Variants in SDCCAG8 observed in about 807,000 individuals in gnomAD.
SDCCAG8 encodes the protein serologically defined colon cancer antigen 8.
In SDCCAG8, 74 loss-of-function variants were observed where a neutral mutation model predicts 101.8. The ratio of observed to expected loss-of-function variants is 0.73; its 90% CI spans 0.60 to 0.88. The LOEUF is 0.88. Ranked by LOEUF, SDCCAG8 falls within the 40% of genes least tolerant of loss-of-function variation. The pLI is 0.00. For missense variants in SDCCAG8, 787 were observed against 822.6 expected (o/e 0.96, Z 0.53); for synonymous variants, 281 against 292.9 (o/e 0.96, Z 0.41).
intron 6 of SDCCAG8, 34 bp downstream of exon 6, chr1:243,293,253 T>A (rs752000188): frequency 6.2e-7 from 1 of 1,602,690 alleles, no homozygotes; most frequent in Admixed American, 1.7e-5. Context: ...TTATACATCT[T>A]TTTTTTCTTT....
chr1:243,396,497 G>A (rs544370797), intron 13 of SDCCAG8, among the ~76,000 whole-genome samples: 1 of 152,198 alleles, frequency 6.6e-6, no homozygotes, highest in Non-Finnish European at 1.5e-5. Flanking sequence ...AATTGAAATG[G>A]TACATATTTG....
intron 16 of SDCCAG8, chr1:243,476,343 T>G (rs1662410808): frequency 1.0e-6 from 1 of 985,356 alleles, no homozygotes; most frequent in Non-Finnish European, 1.2e-6. Flanking sequence ...CATTAAAACC[T>G]AATTAAGATG....
rs942509838 is a variant in SDCCAG8 at position 243,474,296 on chromosome 1, C to G, written c.1986-14718C>G. ...CCCATCTCCTCCTCTCAACCGTCAT[C>G]CCGGTTTAATCCTCTCCTTCTGCCA... On this transcript the variant is annotated intron_variant, in intron 16 of 17. Coordinates refer to ENST00000366541, the MANE Select transcript of SDCCAG8 (RefSeq NM_006642.5). The surrounding 1 kb of genome is among the most constrained non-coding windows in gnomAD (Gnocchi z 4.7). Among the ~76,000 whole-genome samples, 8 of 152,204 alleles carry G rather than the reference C, an allele frequency of 5.3e-5. No individual in the cohort carries two copies. Among genetic ancestry groups the G allele is most frequent in the African/African-American group, 1.9e-4 (8 of 41,470 alleles).
intron 16 of SDCCAG8, among the ~76,000 whole-genome samples, chr1:243,483,857 C>G (rs1664262259): frequency 6.6e-6 from 1 of 152,254 alleles, no homozygotes; most frequent in Non-Finnish European, 1.5e-5. Flanking sequence ...GAGCCCTTCC[C>G]TCTCACTGCA....
intron 12 of SDCCAG8, among the ~76,000 whole-genome samples, chr1:243,348,377 C>T (rs2075868879): frequency 6.6e-6 from 1 of 151,802 alleles, no homozygotes; most frequent in East Asian, 2.0e-4. Context: ...CCTCCCTGTC[C>T]AGCTCTAAGA....
chr1:243,387,647 G>T (rs1407547894), intron 13 of SDCCAG8, among the ~76,000 whole-genome samples: 1 of 152,238 alleles, frequency 6.6e-6, no homozygotes, highest in Non-Finnish European at 1.5e-5. Flanking sequence ...GATAGATCAT[G>T]TGGGGAGAGT....
At chr1:243,294,803 CAG>C (rs1260322147) in intron 6 of SDCCAG8, among the ~76,000 whole-genome samples, 1 of 147,912 alleles carries the variant, frequency 6.8e-6, no homozygotes, top group Non-Finnish European at 1.5e-5. Context: ...ATGTATGTAA[CAG>C]ACGTTTATTC....
intron 9 of SDCCAG8, among the ~76,000 whole-genome samples, chr1:243,322,778 A>G (rs1031029070): frequency 9.7e-5 from 14 of 144,786 alleles, no homozygotes; most frequent in African/African-American, 3.3e-4. Flanking sequence ...GCCCAATCAC[A>G]CTTTTTTTTT....
chr1:243,414,484 G>A (rs554470040), intron 13 of SDCCAG8, among the ~76,000 whole-genome samples: 1 of 152,170 alleles, frequency 6.6e-6, no homozygotes, highest in South Asian at 2.1e-4. Flanking sequence ...CATTTAGCAT[G>A]GACCCCCGAT....
intron 16 of SDCCAG8, among the ~76,000 whole-genome samples, chr1:243,449,769 T>A (rs1574107378): frequency 6.6e-6 from 1 of 152,336 alleles, no homozygotes; most frequent in African/African-American, 2.4e-5. Context: ...GACTGGACCA[T>A]GGAGTCCTGG....
chr1:243,312,722 A>G (rs529634059), intron 8 of SDCCAG8, among the ~76,000 whole-genome samples: 3 of 150,824 alleles, frequency 2.0e-5, no homozygotes, highest in East Asian at 1.9e-4. Flanking sequence ...AAAAAAAAAA[A>G]AAATAATGGC....
chr1:243,466,834 A>G (rs569320436), intron 16 of SDCCAG8, among the ~76,000 whole-genome samples: 1 of 152,352 alleles, frequency 6.6e-6, no homozygotes, highest in East Asian at 1.9e-4. Flanking sequence ...AGAATATGAC[A>G]ATACTTCTGT....
chr1:243,256,063 C>T lies in SDCCAG8; in HGVS notation c.-111C>T. On this transcript the variant is annotated 5_prime_UTR_variant, in exon 1 of 18. Transcript: ENST00000366541. Reference sequence around the variant, plus strand: ...GGGATTCTAGGCTCCCCTGTGACAGCCGCGGCAGGAAGCAGGCGGGCGCTC... The same window carrying T: ...GGGATTCTAGGCTCCCCTGTGACAGTCGCGGCAGGAAGCAGGCGGGCGCTC... The T allele has an allele frequency of 2.0e-6, 2 of 998,000 alleles. No homozygotes were observed. The highest frequency in any genetic ancestry group is 1.6e-6 in the Non-Finnish European group (1 of 619,048). The allele number at this position is 998,000 out of a possible 1,614,324, so 61.8% of individuals were successfully genotyped here.
At chr1:243,307,290 C>CAAA in intron 7 of SDCCAG8, 5 of 151,564 alleles carry the variant, frequency 3.3e-5, no homozygotes, top group Non-Finnish European at 6.1e-5. Flanking sequence ...CCCCACCATT[C>CAAA]CCCAGCCCTT....
chr1:243,445,526 A>T (rs1003664196), intron 16 of SDCCAG8, among the ~76,000 whole-genome samples: 5 of 152,346 alleles, frequency 3.3e-5, no homozygotes, highest in East Asian at 3.9e-4. Context: ...TGAGACCAGA[A>T]GTTGGATGGT....
chr1:243,429,783 C>T (rs1403500051), intron 16 of SDCCAG8, among the ~76,000 whole-genome samples: 1 of 144,372 alleles, frequency 6.9e-6, no homozygotes, highest in African/African-American at 2.6e-5. Flanking sequence ...CTCACTGCAA[C>T]CTCCGCCTCC....
At chr1:243,462,989 T>C (rs1457047269) in intron 16 of SDCCAG8, among the ~76,000 whole-genome samples, 1 of 152,266 alleles carries the variant, frequency 6.6e-6, no homozygotes, top group East Asian at 1.9e-4. Context: ...GAAAGCTGTT[T>C]ATTTTAAAAG....
At chr1:243,427,714 A>T (rs948134578) in intron 16 of SDCCAG8, among the ~76,000 whole-genome samples, 1 of 152,140 alleles carries the variant, frequency 6.6e-6, no homozygotes, top group African/African-American at 2.4e-5. Flanking sequence ...TACGTTGATT[A>T]CTTGCTTTAT....
intron 13 of SDCCAG8, among the ~76,000 whole-genome samples, chr1:243,413,611 G>T (rs1274094165): frequency 2.6e-5 from 4 of 152,156 alleles, no homozygotes; most frequent in African/African-American, 9.7e-5. Flanking sequence ...GTTTGTGATG[G>T]GTAGTTTCAG....
Sources: allele counts gnomAD v4.1 joint callset (sites outside exome capture counted in the v4.1 genomes callset), GRCh38; gene constraint gnomAD v4.1.1; non-coding constraint Gnocchi (gnomAD v3.1); transcripts MANE v1.5; gene names NCBI Gene and HGNC (gene_info 2026-07-23, HGNC 2026-07-21).